The following ROBO1 variants were observed in gnomAD, a reference collection of about 807,000 sequenced individuals.
The protein encoded by ROBO1 is roundabout guidance receptor 1, also known as roundabout homolog 1.
In ROBO1, 149 loss-of-function variants were observed where a neutral mutation model predicts 195.9. That is an observed-to-expected ratio of 0.76 (90% CI 0.67 to 0.87). The LOEUF (loss-of-function observed/expected upper bound fraction) is 0.87, where lower values mean the gene tolerates loss of function less well. ROBO1 is among the 40% of genes least tolerant of loss of function. ROBO1 has a pLI of 0.00. For synonymous variants in ROBO1, 816 were observed against 733.2 expected (o/e 1.11, Z -1.82); for missense variants, 1,933 against 2,068.3 (o/e 0.93, Z 1.27).
chr3:79,115,398 T>G (rs1183019876), intron 3 of ROBO1, among the ~76,000 whole-genome samples: 1 of 152,132 alleles, frequency 6.6e-6, no homozygotes, highest in African/African-American at 2.4e-5. Context: ...AAGATATCAC[T>G]GTCCTGGTGA....
rs541768658 is a variant in ROBO1, at chr3:79,557,554, C to T, written c.88+32270G>A. Among the ~76,000 whole-genome samples, 490 of 151,386 alleles carry T rather than the reference C, an allele frequency of 3.2e-3. 3 individuals are homozygous for T. Among genetic ancestry groups the T allele is most frequent in the African/African-American group, 0.011 (435 of 41,144 alleles). On this transcript the variant is annotated intron_variant, in intron 2 of 30. Transcript: ENST00000464233. ...TTTGAGGTCAGCCTGGCCAACAAGGCGAAACCCTGTCTGCACTAAAAATGC... is the reference window on the plus strand; with the variant it reads ...TTTGAGGTCAGCCTGGCCAACAAGGTGAAACCCTGTCTGCACTAAAAATGC...
intron 8 of ROBO1, among the ~76,000 whole-genome samples, chr3:78,709,767 AG>A (rs1184395104): frequency 6.6e-6 from 1 of 152,180 alleles, no homozygotes; most frequent in African/African-American, 2.4e-5. Flanking sequence ...ATTGTGAGAA[AG>A]CACCACTATT....
chr3:79,648,343 T>A (rs13078413), intron 1 of ROBO1, among the ~76,000 whole-genome samples: 1 of 151,914 alleles, frequency 6.6e-6, no homozygotes, highest in Non-Finnish European at 1.5e-5. Flanking sequence ...AGTAAAACCG[T>A]TGGGAATCAA....
chr3:79,719,926 G>T (rs1430323443), intron 1 of ROBO1, among the ~76,000 whole-genome samples: 1 of 152,138 alleles, frequency 6.6e-6, no homozygotes, highest in Non-Finnish European at 1.5e-5. Flanking sequence ...TTGAGGGAGA[G>T]CATAGATCCT....
intron 3 of ROBO1, among the ~76,000 whole-genome samples, chr3:78,965,897 G>C (rs2076631560): frequency 6.6e-6 from 1 of 152,136 alleles, no homozygotes; most frequent in African/African-American, 2.4e-5. Context: ...AGTCACAGGA[G>C]GCTTTTGAAT....
intron 4 of ROBO1, among the ~76,000 whole-genome samples, chr3:78,869,150 TA>T (rs1475202296): frequency 6.6e-6 from 1 of 152,136 alleles, no homozygotes; most frequent in Non-Finnish European, 1.5e-5. Context: ...GAAGTTTAAC[TA>T]TTTACCTTAT....
chr3:79,733,735 C>G (rs1289945966), intron 1 of ROBO1, among the ~76,000 whole-genome samples: 1 of 152,152 alleles, frequency 6.6e-6, no homozygotes, highest in Non-Finnish European at 1.5e-5. Context: ...ATCATATTCT[C>G]TGTACTTACT....
chr3:79,007,636 T>C (rs2077657526), intron 3 of ROBO1, among the ~76,000 whole-genome samples: 1 of 152,262 alleles, frequency 6.6e-6, no homozygotes, highest in Non-Finnish European at 1.5e-5. Flanking sequence ...GTTTTAAAAT[T>C]ATTTGTTTTT....
At chr3:78,968,659 A>T (rs928814365) in intron 3 of ROBO1, among the ~76,000 whole-genome samples, 1 of 152,074 alleles carries the variant, frequency 6.6e-6, no homozygotes. Context: ...ATTTGGCCAA[A>T]TTTCACTCAG....
At chr3:78,808,035 G>A (rs2084604001) in intron 4 of ROBO1, among the ~76,000 whole-genome samples, 1 of 152,088 alleles carries the variant, frequency 6.6e-6, no homozygotes, top group Non-Finnish European at 1.5e-5. Flanking sequence ...CATTTTTCAT[G>A]AGACTTTTAT....
chr3:79,441,757 G>C (rs2039061920), intron 2 of ROBO1, among the ~76,000 whole-genome samples: 1 of 152,090 alleles, frequency 6.6e-6, no homozygotes, highest in Admixed American at 6.6e-5. Flanking sequence ...CAGAGTGTTA[G>C]TGTAAGGAAA....
chr3:79,023,876 T>G (rs992012974), intron 3 of ROBO1, among the ~76,000 whole-genome samples: 1 of 151,324 alleles, frequency 6.6e-6, no homozygotes, highest in South Asian at 2.1e-4. Flanking sequence ...GCTATTTTTT[T>G]TTTTTTTGTA....
At chr3:79,040,796 T>C (rs896608314) in intron 3 of ROBO1, among the ~76,000 whole-genome samples, 9 of 152,226 alleles carry the variant, frequency 5.9e-5, no homozygotes, top group African/African-American at 2.2e-4. Context: ...CAGTTATCTT[T>C]TTCTTTTCAA....
intron 2 of ROBO1, among the ~76,000 whole-genome samples, chr3:79,488,484 G>A (rs571827891): frequency 6.6e-6 from 1 of 152,160 alleles, no homozygotes; most frequent in East Asian, 1.9e-4. Context: ...GTCTTCTTGT[G>A]GTGAATATTA....
At position 79,437,577 on chromosome 3, in the gene ROBO1, TAATAC is replaced by T. The variant is rs750210963; in HGVS notation, c.88+152242_88+152246del. Among the ~76,000 whole-genome samples the T allele has an allele frequency of 5.9e-5, 9 of 152,148 alleles. No individual in the cohort carries two copies. In the East Asian group the frequency reaches 1.3e-3, roughly 23 times the overall value. ...ATAAAATGTGCAAGTTGAGACATAT[TAATAC>T]AATGAAATATTATACAAAACAATGT... On this transcript the variant is annotated intron_variant, in intron 2 of 30. Transcript: ENST00000464233.
intron 3 of ROBO1, among the ~76,000 whole-genome samples, chr3:78,997,646 T>C (rs528525653): frequency 9.9e-5 from 15 of 152,160 alleles, no homozygotes; most frequent in South Asian, 2.1e-4. Context: ...CACAGTGTAA[T>C]TGACACATTC....
intron 1 of ROBO1, among the ~76,000 whole-genome samples, chr3:79,637,912 T>A (rs9834479): frequency 0.57 from 86,005 of 151,390 alleles, 24,622 homozygotes; most frequent in South Asian, 0.67. Context: ...ACTTGGGTAT[T>A]TTTTTTAATT....
chr3:79,003,624 A>T (rs185348578), intron 3 of ROBO1, among the ~76,000 whole-genome samples: 1 of 152,268 alleles, frequency 6.6e-6, no homozygotes, highest in East Asian at 1.9e-4. Flanking sequence ...CACACAAAGA[A>T]ATTGTACGCA....
At chr3:79,376,290 T>G (rs1291968362) in intron 2 of ROBO1, among the ~76,000 whole-genome samples, 1 of 152,214 alleles carries the variant, frequency 6.6e-6, no homozygotes, top group East Asian at 1.9e-4. Context: ...GCATTAGGAC[T>G]AGGCATCTAC....
Sources: gnomAD v4.1 joint callset for allele counts (sites outside exome capture counted in the v4.1 genomes callset) on GRCh38, gnomAD v4.1.1 for gene constraint, MANE v1.5 for transcripts, NCBI Gene and HGNC (gene_info 2026-07-23, HGNC 2026-07-21) for gene names.